DCC: variants seen among roughly 807,000 people sequenced by gnomAD.
DCC encodes DCC netrin 1 receptor.
Under a neutral mutation model 172.5 loss-of-function variants are expected in DCC, and 58 were observed. The ratio of observed to expected loss-of-function variants is 0.34; its 90% CI spans 0.27 to 0.42. The LOEUF (loss-of-function observed/expected upper bound fraction) is 0.42, where lower values mean the gene tolerates loss of function less well. Ranked by LOEUF, DCC falls within the 10% of genes least tolerant of loss-of-function variation. The pLI, the probability that DCC is intolerant of heterozygous loss-of-function variation, is 1.00. For synonymous variants in DCC, 709 were observed against 644.5 expected (o/e 1.10, Z -1.52); for missense variants, 1,740 against 1,791.0 (o/e 0.97, Z 0.51).
chr18:52,471,021 T>C (rs1988930828), intron 1 of DCC, among the ~76,000 whole-genome samples: 2 of 152,044 alleles, frequency 1.3e-5, no homozygotes, highest in Admixed American at 6.6e-5. Flanking sequence ...ATTATGTGAG[T>C]TCTAGTCTAA....
At chr18:52,834,728 T>G (rs993664344) in intron 2 of DCC, among the ~76,000 whole-genome samples, 5 of 152,296 alleles carry the variant, frequency 3.3e-5, no homozygotes, top group African/African-American at 1.2e-4. Context: ...AAAAGAAATA[T>G]GTTTTCTTAG....
chr18:53,438,112 A>T (rs2145124375), intron 22 of DCC, among the ~76,000 whole-genome samples: 1 of 152,358 alleles, frequency 6.6e-6, no homozygotes, highest in African/African-American at 2.4e-5. Flanking sequence ...AGAATCATCC[A>T]ACAGAGCCAA....
At chr18:52,919,625 G>T in intron 3 of DCC, among the ~76,000 whole-genome samples, 1 of 129,310 alleles carries the variant, frequency 7.7e-6, no homozygotes, top group Non-Finnish European at 1.8e-5. Flanking sequence ...AAATGGAAAA[G>T]TCGATGGTTC....
At chr18:53,182,565 C>T (rs2055213154) in intron 9 of DCC, among the ~76,000 whole-genome samples, 1 of 152,164 alleles carries the variant, frequency 6.6e-6, no homozygotes, top group African/African-American at 2.4e-5. Context: ...CTACTAAACT[C>T]ACTTGCCGTC....
At chr18:52,583,346 A>C (rs753717439) in intron 1 of DCC, among the ~76,000 whole-genome samples, 3 of 152,192 alleles carry the variant, frequency 2.0e-5, no homozygotes, top group Non-Finnish European at 2.9e-5. Flanking sequence ...CCAGAAATAA[A>C]TCTGCCTTTT....
chr18:52,678,268 G>A (rs1030685336), intron 1 of DCC, among the ~76,000 whole-genome samples: 2 of 152,152 alleles, frequency 1.3e-5, no homozygotes, highest in Non-Finnish European at 2.9e-5. Flanking sequence ...TGCTGCTGCC[G>A]TCTTATTGGT....
At chr18:52,709,120 G>A (rs1198549207) in intron 1 of DCC, among the ~76,000 whole-genome samples, 1 of 152,102 alleles carries the variant, frequency 6.6e-6, no homozygotes, top group Non-Finnish European at 1.5e-5. Flanking sequence ...AGGGGCACCT[G>A]GATTGCAAGA....
chr18:53,095,961 G>A (rs1174367211), intron 7 of DCC, among the ~76,000 whole-genome samples: 3 of 151,940 alleles, frequency 2.0e-5, no homozygotes, highest in African/African-American at 4.8e-5. Context: ...AAAAACACCA[G>A]TGGCCAGGCA....
At chr18:52,539,728 T>C (rs1414659669) in intron 1 of DCC, among the ~76,000 whole-genome samples, 1 of 152,196 alleles carries the variant, frequency 6.6e-6, no homozygotes, top group Non-Finnish European at 1.5e-5. Flanking sequence ...TTAATAACAA[T>C]GTATTCTGGA....
intron 26 of DCC, among the ~76,000 whole-genome samples, chr18:53,496,494 G>A (rs996127171): frequency 2.6e-5 from 4 of 152,146 alleles, no homozygotes; most frequent in Non-Finnish European, 4.4e-5. Flanking sequence ...ATAAATCCAC[G>A]AAGATTAGGA....
intron 5 of DCC, among the ~76,000 whole-genome samples, chr18:52,988,066 G>A (rs913595863): frequency 1.3e-5 from 2 of 151,906 alleles, no homozygotes; most frequent in Admixed American, 1.3e-4. Context: ...TTGTGCTTGG[G>A]GTTTTATTTA....
chr18:53,369,073 G>A (rs556901122), intron 15 of DCC, among the ~76,000 whole-genome samples: 147 of 151,960 alleles, frequency 9.7e-4, no homozygotes, highest in South Asian at 6.6e-3. Flanking sequence ...ACGTGAACAC[G>A]GGCTGCGTTT....
intron 2 of DCC, among the ~76,000 whole-genome samples, chr18:52,811,005 G>T (rs1184258102): frequency 6.6e-6 from 1 of 152,152 alleles, no homozygotes; most frequent in Non-Finnish European, 1.5e-5. Flanking sequence ...AGCAGCAGTG[G>T]CATGAACAGA....
At chr18:52,895,777 G>A (rs1323203807) in intron 2 of DCC, among the ~76,000 whole-genome samples, 1 of 152,096 alleles carries the variant, frequency 6.6e-6, no homozygotes, top group African/African-American at 2.4e-5. Flanking sequence ...GAAAAATTGA[G>A]TTAAATTGGT....
chr18:52,968,920 T>C (rs1390372457), intron 5 of DCC, among the ~76,000 whole-genome samples: 1 of 152,170 alleles, frequency 6.6e-6, no homozygotes, highest in East Asian at 1.9e-4. Context: ...CCACATTAAA[T>C]CAGGCAACCC....
intron 1 of DCC, among the ~76,000 whole-genome samples, chr18:52,343,930 C>T (rs1180528701): frequency 2.1e-5 from 2 of 95,224 alleles, no homozygotes; most frequent in Non-Finnish European, 4.2e-5. Flanking sequence ...CTGTGAGTGC[C>T]GCAGTATAAA....
intron 1 of DCC, among the ~76,000 whole-genome samples, chr18:52,526,710 C>A (rs1171116103): frequency 6.6e-6 from 1 of 151,946 alleles, no homozygotes; most frequent in Non-Finnish European, 1.5e-5. Flanking sequence ...TTATTGAGTA[C>A]AATAGCTGAA....
intron 2 of DCC, among the ~76,000 whole-genome samples, chr18:52,826,392 T>C (rs1568128546): frequency 6.6e-6 from 1 of 152,222 alleles, no homozygotes; most frequent in African/African-American, 2.4e-5. Flanking sequence ...TGATGCTAGA[T>C]GACTTAGTGA....
chr18:52,712,833 GAT>G (rs2036316744), intron 1 of DCC, among the ~76,000 whole-genome samples: 1 of 152,190 alleles, frequency 6.6e-6, no homozygotes, highest in Non-Finnish European at 1.5e-5. Flanking sequence ...GCTGCAGATG[GAT>G]ATGTTTAAAA....
Sources: allele counts gnomAD v4.1 joint callset (sites outside exome capture counted in the v4.1 genomes callset), GRCh38; gene constraint gnomAD v4.1.1; transcripts MANE v1.5; gene names NCBI Gene and HGNC (gene_info 2026-07-23, HGNC 2026-07-21).